Variants in GALNT14 observed in about 807,000 individuals in gnomAD.
The protein encoded by GALNT14 is UDP-GalNAc:polypeptide N-acetylgalactosaminyltransferase 14.
A neutral mutation model predicts 77.5 loss-of-function variants in GALNT14; 60 were observed. That is an observed-to-expected ratio of 0.77 (90% CI 0.63 to 0.96). The LOEUF is 0.96. Ranked by LOEUF, GALNT14 falls within the 40% of genes least tolerant of loss-of-function variation. The pLI is 0.00. For synonymous variants in GALNT14, 280 were observed against 281.7 expected, an observed-to-expected ratio of 0.99 and a Z score of 0.06; for missense variants, 710 against 731.0, an observed-to-expected ratio of 0.97 and a Z score of 0.33.
intron 1 of GALNT14, among the ~76,000 whole-genome samples, chr2:31,083,678 C>G (rs1676268192): frequency 6.6e-6 from 1 of 152,212 alleles, no homozygotes; most frequent in South Asian, 2.1e-4. Flanking sequence ...GGGATCAGAT[C>G]TGCTGCCTCC....
At chr2:30,907,230 A>G (rs1664168766), downstream of GALNT14, among the ~76,000 whole-genome samples, 2 of 152,218 alleles carry the variant, frequency 1.3e-5, no homozygotes, top group Non-Finnish European at 2.9e-5. Context: ...TGAAGGAAAT[A>G]GAGACACAAA....
At chr2:30,967,722 T>A (rs1220840710) in intron 2 of GALNT14, among the ~76,000 whole-genome samples, 1 of 152,162 alleles carries the variant, frequency 6.6e-6, no homozygotes, top group Non-Finnish European at 1.5e-5. Flanking sequence ...CTGCAGCAGC[T>A]TCCTGACCCA....
intron 9 of GALNT14, among the ~76,000 whole-genome samples, chr2:30,940,565 T>C (rs1015655807): frequency 1.3e-5 from 2 of 152,210 alleles, no homozygotes; most frequent in African/African-American, 4.8e-5. Flanking sequence ...AGAGATTGGA[T>C]GGCTGCTGTC....
intron 1 of GALNT14, among the ~76,000 whole-genome samples, chr2:30,994,371 G>T (rs1333947259): frequency 1.3e-5 from 2 of 152,184 alleles, no homozygotes; most frequent in African/African-American, 4.8e-5. Context: ...GCAGTGCAGG[G>T]GCTTGGCCCA....
chr2:30,898,395 G>A, the GALNT14 span, among the ~76,000 whole-genome samples: 10 of 152,296 alleles, frequency 6.6e-5, no homozygotes, highest in African/African-American at 2.2e-4. Context: ...TAATCCTCAC[G>A]ATGAACTACA....
At chr2:30,989,700 TATAA>T (rs1385058756) in intron 2 of GALNT14, among the ~76,000 whole-genome samples, 1 of 124,306 alleles carries the variant, frequency 8.0e-6, no homozygotes, top group Non-Finnish European at 1.6e-5. Context: ...TTAGTATATA[TATAA>T]ATATATATAT....
At chr2:31,135,598 C>T (rs1679194145) in intron 1 of GALNT14, among the ~76,000 whole-genome samples, 1 of 151,910 alleles carries the variant, frequency 6.6e-6, no homozygotes, top group Admixed American at 6.6e-5. Flanking sequence ...TAGAAGGATA[C>T]AGAAAATGAG....
intron 2 of GALNT14, among the ~76,000 whole-genome samples, chr2:30,985,104 A>C (rs1407149452): frequency 2.0e-5 from 3 of 152,040 alleles, no homozygotes; most frequent in Non-Finnish European, 4.4e-5. Flanking sequence ...GGCATATGGC[A>C]ATTGCTCAAT....
intron 2 of GALNT14, among the ~76,000 whole-genome samples, chr2:30,966,852 C>T (rs1311236445): frequency 6.6e-6 from 1 of 152,192 alleles, no homozygotes; most frequent in Non-Finnish European, 1.5e-5. Context: ...GTGATAAAAC[C>T]CCATCTTGAA....
chr2:30,949,954 G>A (rs147815500), intron 6 of GALNT14, among the ~76,000 whole-genome samples: 2 of 152,322 alleles, frequency 1.3e-5, no homozygotes, highest in East Asian at 3.9e-4. Flanking sequence ...AAGGACAGCT[G>A]GGTTGACAGG....
At chr2:30,914,746 C>A (rs1427878246) in intron 13 of GALNT14, among the ~76,000 whole-genome samples, 1 of 152,216 alleles carries the variant, frequency 6.6e-6, no homozygotes, top group Admixed American at 6.5e-5. Context: ...ACTAGAGACA[C>A]AGTCCACCCT....
At chr2:31,037,961 T>C (rs1277465745) in intron 1 of GALNT14, among the ~76,000 whole-genome samples, 2 of 151,302 alleles carry the variant, frequency 1.3e-5, no homozygotes, top group African/African-American at 4.9e-5. Context: ...CTTGTGTGCA[T>C]GGCATTCTAA....
At chr2:31,088,741 A>C (rs917740418) in intron 1 of GALNT14, among the ~76,000 whole-genome samples, 1 of 152,200 alleles carries the variant, frequency 6.6e-6, no homozygotes, top group African/African-American at 2.4e-5. Flanking sequence ...GGGTGATGCT[A>C]GATTATGTGT....
At chr2:30,917,076 CAA>C (rs529653696) in intron 13 of GALNT14, among the ~76,000 whole-genome samples, 253 of 19,848 alleles carry the variant, frequency 0.013, no homozygotes, top group South Asian at 0.051. Flanking sequence ...GACTCCGTCT[CAA>C]AAAAAAAAAA....
Position 31,129,288 on chromosome 2 carries a change from G to A in GALNT14, c.129+8670C>T, listed in dbSNP as rs575715580. On this transcript the variant is annotated intron_variant, in intron 1 of 14. Coordinates refer to ENST00000349752, the MANE Select transcript of GALNT14 (RefSeq NM_024572.4). ...ATAATAACACTCACCTCACAAAGTCGCAGTAAGGATCAAATGAGGCAACTG... is the reference window on the plus strand; with the variant it reads ...ATAATAACACTCACCTCACAAAGTCACAGTAAGGATCAAATGAGGCAACTG... 3.8e-5 allele frequency: 26 copies of A among 678,640 alleles called. No individual in the cohort carries two copies. The East Asian group carries it at 9.4e-4, about 25-fold the overall frequency. 42.0% of individuals were successfully genotyped at this position (678,640 alleles called of 1,614,324 possible).
In GALNT14 at chr2:31,068,526, G is replaced by C. The variant is rs76443081; in HGVS notation, c.129+69432C>G. On this transcript the variant is annotated intron_variant, in intron 1 of 14. Transcript: ENST00000349752. ...CCGTCTCAAAAAAAAAAAAAAAAAAGAAAAGAAAAGAAAGGTCCATAACTA... is the reference window on the plus strand; with the variant it reads ...CCGTCTCAAAAAAAAAAAAAAAAAACAAAAGAAAAGAAAGGTCCATAACTA... 7.9e-3 allele frequency among the ~76,000 whole-genome samples: 1,062 copies of C among 135,000 alleles called. 5 individuals are homozygous for C. Among genetic ancestry groups the C allele is most frequent in the Non-Finnish European group, 0.013 (809 of 62,462 alleles). 88.6% of individuals were successfully genotyped at this position (135,000 alleles called of 152,430 possible).
intron 1 of GALNT14, among the ~76,000 whole-genome samples, chr2:31,001,643 C>A (rs1161338639): frequency 6.6e-6 from 1 of 152,012 alleles, no homozygotes; most frequent in Non-Finnish European, 1.5e-5. Flanking sequence ...AATTACCAGA[C>A]ACACAAGGAA....
chr2:31,041,831 A>C (rs2148500996), intron 1 of GALNT14, among the ~76,000 whole-genome samples: 1 of 152,282 alleles, frequency 6.6e-6, no homozygotes, highest in East Asian at 1.9e-4. Context: ...GAGGCAGAGG[A>C]TCTCAGAGCG....
intron 1 of GALNT14, among the ~76,000 whole-genome samples, chr2:31,075,878 C>A (rs113425635): frequency 6.6e-6 from 1 of 152,226 alleles, no homozygotes; most frequent in African/African-American, 2.4e-5. Flanking sequence ...AAAGAAATCT[C>A]TCTAAAGCAC....
Sources: allele counts gnomAD v4.1 joint callset (sites outside exome capture counted in the v4.1 genomes callset), GRCh38; gene constraint gnomAD v4.1.1; transcripts MANE v1.5; gene names NCBI Gene and HGNC (gene_info 2026-07-23, HGNC 2026-07-21).